Variants in ZC3H13 observed in about 807,000 individuals in gnomAD.
The protein encoded by ZC3H13 is zinc finger CCCH domain-containing protein 13.
In ZC3H13, 64 loss-of-function variants were observed where a neutral mutation model predicts 204.1. The ratio of observed to expected loss-of-function variants is 0.31; its 90% CI spans 0.26 to 0.39. ZC3H13 has a LOEUF of 0.39. ZC3H13 is among the 10% of genes least tolerant of loss of function. ZC3H13 has a pLI of 1.00. For missense variants in ZC3H13, 1,833 were observed against 2,082.7 expected (o/e 0.88, Z 2.33); for synonymous variants, 667 against 693.7 (o/e 0.96, Z 0.60).
intron 15 of ZC3H13, 152 bp from the exon 16 acceptor site, chr13:45,965,584 TA>T: frequency 1.5e-6 from 1 of 662,208 alleles, no homozygotes; most frequent in Non-Finnish European, 2.2e-6. Context: ...AAATACTTGA[TA>T]ATATCAAAAG....
chr13:46,010,325 A>G (rs2041459474), intron 7 of ZC3H13, 23 bp downstream of exon 7: 2 of 1,531,464 alleles, frequency 1.3e-6, no homozygotes, highest in Middle Eastern at 3.5e-4. Context: ...TATTTTCTCG[A>G]TACTATTTAT....
At chr13:45,985,863 C>T (rs191183097) in intron 9 of ZC3H13, 102 bp from the exon 10 acceptor site, 3 of 1,077,054 alleles carry the variant, frequency 2.8e-6, no homozygotes, top group African/African-American at 3.2e-5. Context: ...ATTATAATGA[C>T]AATTCGTGTT....
At position 46,010,410 on chromosome 13, in the gene ZC3H13, A is replaced by C. The variant is rs762492461; in HGVS notation, c.684T>G (p.Ser228=). 15 of 1,613,754 alleles carry C rather than the reference A, an allele frequency of 9.3e-6. No homozygotes were observed. The highest frequency in any genetic ancestry group is 5.1e-6 in the Non-Finnish European group (6 of 1,179,810). The part of the protein sequence containing the change: ...SPKRKSSPKS[S]SASKKDRKTS... ...TCTTCCTATCTTTCTTGCTAGCTGA[A>C]GACGACTTCGGGCTTGATTTTCGCT... Residue 228 remains serine (S), a synonymous_variant, in exon 7 of 19, where the codon TCT becomes TCG. Coordinates refer to ENST00000679008, the MANE Select transcript of ZC3H13 (RefSeq NM_001330564.2).
At chr13:45,999,109 G>A (rs1347150690) in intron 8 of ZC3H13, among the ~76,000 whole-genome samples, 2 of 152,192 alleles carry the variant, frequency 1.3e-5, no homozygotes, top group East Asian at 1.9e-4. Flanking sequence ...GTGTGGCAAC[G>A]CAAGCCTGTA....
chr13:45,961,982 TTTAG>T (rs1399515875), intron 17 of ZC3H13, among the ~76,000 whole-genome samples: 22 of 152,222 alleles, frequency 1.4e-4, no homozygotes, highest in African/African-American at 4.1e-4. Context: ...TGTTTTAAGC[TTTAG>T]TTGTTTCTTT....
intron 5 of ZC3H13, among the ~76,000 whole-genome samples, chr13:46,012,739 C>A (rs1388706932): frequency 6.6e-6 from 1 of 152,032 alleles, no homozygotes; most frequent in Non-Finnish European, 1.5e-5. Context: ...TAATTAAGGG[C>A]AAGTAGTTTT....
At chr13:45,974,627 C>T (rs1461425310) in intron 12 of ZC3H13, among the ~76,000 whole-genome samples, 4 of 152,142 alleles carry the variant, frequency 2.6e-5, no homozygotes, top group African/African-American at 4.8e-5. Flanking sequence ...CTCTCATCTT[C>T]GAACCATGCA....
At chr13:46,021,548 T>C (rs2042219983) in intron 4 of ZC3H13, among the ~76,000 whole-genome samples, 1 of 151,956 alleles carries the variant, frequency 6.6e-6, no homozygotes, top group Non-Finnish European at 1.5e-5. Flanking sequence ...TTTCTCTTTG[T>C]AGTTTTCTTC....
intron 11 of ZC3H13, among the ~76,000 whole-genome samples, chr13:45,978,198 T>C (rs898532248): frequency 2.6e-5 from 4 of 152,112 alleles, no homozygotes; most frequent in African/African-American, 7.2e-5. Flanking sequence ...TATACAGTAG[T>C]AGCATTTTAT....
At chr13:46,037,651 T>A (rs1480159770) in intron 4 of ZC3H13, among the ~76,000 whole-genome samples, 1 of 91,346 alleles carries the variant, frequency 1.1e-5, no homozygotes, top group Non-Finnish European at 2.1e-5. Flanking sequence ...AGCCTCTCAC[T>A]TTTCAGTTCC....
intron 1 of ZC3H13, among the ~76,000 whole-genome samples, chr13:46,048,602 A>AC (rs1444969691): frequency 2.6e-5 from 4 of 151,192 alleles, no homozygotes; most frequent in African/African-American, 7.3e-5. Flanking sequence ...AAAAAAAAAA[A>AC]AAACTTTGAA....
At chr13:45,985,858 A>C in intron 9 of ZC3H13, 97 bp from the exon 10 acceptor site, 1 of 1,134,946 alleles carries the variant, frequency 8.8e-7, no homozygotes. Flanking sequence ...ATTTTATTAT[A>C]ATGACAATTC....
intron 16 of ZC3H13, 68 bp from the exon 17 acceptor site, chr13:45,964,110 AT>A: frequency 7.2e-7 from 1 of 1,396,314 alleles, no homozygotes; most frequent in Non-Finnish European, 9.8e-7. Context: ...CTACATAGAC[AT>A]TTACATAAAT....
chr13:45,977,486 T>A (rs913552219), intron 11 of ZC3H13, among the ~76,000 whole-genome samples: 15 of 152,172 alleles, frequency 9.9e-5, no homozygotes, highest in African/African-American at 3.6e-4. Flanking sequence ...CTTTAAAATG[T>A]CTAAATTATC....
At chr13:45,978,642 G>A (rs1953272566) in intron 11 of ZC3H13, among the ~76,000 whole-genome samples, 1 of 151,894 alleles carries the variant, frequency 6.6e-6, no homozygotes, top group Admixed American at 6.6e-5. Context: ...CAATACATGT[G>A]GTTGAACTAA....
chr13:45,997,022 G>A (rs1489239618), intron 8 of ZC3H13, among the ~76,000 whole-genome samples: 5 of 152,092 alleles, frequency 3.3e-5, no homozygotes, highest in African/African-American at 7.2e-5. Flanking sequence ...AGTAGGTCAC[G>A]GAAAGTTTAT....
chr13:46,006,554 G>C (rs1315538176), intron 7 of ZC3H13, among the ~76,000 whole-genome samples: 1 of 150,532 alleles, frequency 6.6e-6, no homozygotes, highest in Non-Finnish European at 1.5e-5. Flanking sequence ...CTGGTACTAG[G>C]TTTGCAAGTA....
chr13:46,011,627 C>T, intron 5 of ZC3H13, 73 bp from the exon 6 acceptor site: 1 of 1,223,276 alleles, frequency 8.2e-7, no homozygotes, highest in Non-Finnish European at 1.1e-6. Flanking sequence ...AGACTTTTTT[C>T]AACTAATTTC....
At chr13:46,006,296 C>A (rs549064874) in intron 7 of ZC3H13, among the ~76,000 whole-genome samples, 1 of 152,078 alleles carries the variant, frequency 6.6e-6, no homozygotes, top group Non-Finnish European at 1.5e-5. Context: ...TCCTCTAAAA[C>A]TCTGATCCCC....
Sources: allele counts gnomAD v4.1 joint callset (sites outside exome capture counted in the v4.1 genomes callset), GRCh38; gene constraint gnomAD v4.1.1; transcripts MANE v1.5; gene names NCBI Gene and HGNC (gene_info 2026-07-23, HGNC 2026-07-21).